CNTNAP4: variants seen among roughly 807,000 people sequenced by gnomAD.
CNTNAP4 encodes contactin associated protein family member 4, also known as contactin-associated protein-like 4.
Under a neutral mutation model 148.4 loss-of-function variants are expected in CNTNAP4, and 98 were observed. That is an observed-to-expected ratio of 0.66 (90% CI 0.56 to 0.78). The LOEUF (loss-of-function observed/expected upper bound fraction) is 0.78. CNTNAP4 is among the 30% of genes least tolerant of loss of function. CNTNAP4 has a pLI of 0.00. For missense variants in CNTNAP4, 1,935 were observed against 1,565.6 expected (o/e 1.24, Z -3.98); for synonymous variants, 730 against 565.1 (o/e 1.29, Z -4.14).
intron 1 of CNTNAP4, among the ~76,000 whole-genome samples, chr16:76,301,129 T>G (rs1959917997): frequency 6.6e-6 from 1 of 151,514 alleles, no homozygotes; most frequent in Non-Finnish European, 1.5e-5. Context: ...TGGGTAAGAG[T>G]AGTGTATAAA....
intron 2 of CNTNAP4, among the ~76,000 whole-genome samples, chr16:76,333,610 C>T (rs985521167): frequency 2.0e-5 from 3 of 151,976 alleles, no homozygotes; most frequent in Admixed American, 2.0e-4. Context: ...GGGGCAGTTT[C>T]TATTAATTTC....
intron 3 of CNTNAP4, among the ~76,000 whole-genome samples, chr16:76,360,048 G>C (rs1431948866): frequency 6.6e-6 from 1 of 152,182 alleles, no homozygotes; most frequent in Non-Finnish European, 1.5e-5. Context: ...AAATATGATT[G>C]TTAAACCCAA....
chr16:76,491,575 T>G (rs2082223300), intron 13 of CNTNAP4, among the ~76,000 whole-genome samples: 2 of 152,188 alleles, frequency 1.3e-5, no homozygotes, highest in South Asian at 4.1e-4. Context: ...TGTAATGGGT[T>G]GTTCATTGTT....
chr16:76,427,602 A>G lies in CNTNAP4; in HGVS notation c.538+3A>G. The stretch of plus-strand genomic sequence containing the variant: ...CGAAGTGTTCGGATGTGCATACAGT[A>G]AGTGTTTGTTTATCCAATACACTGA... On this transcript the variant is annotated splice_donor_region_variant and intron_variant, in intron 4 of 23. Coordinates refer to ENST00000611870, the MANE Select transcript of CNTNAP4 (RefSeq NM_033401.5). 1 of 1,603,256 alleles carries G rather than the reference A, an allele frequency of 6.2e-7. No homozygotes were observed. The highest frequency in any genetic ancestry group is 8.5e-7 in the Non-Finnish European group (1 of 1,175,690).
At chr16:76,315,062 A>G (rs1961561739) in intron 1 of CNTNAP4, among the ~76,000 whole-genome samples, 1 of 151,150 alleles carries the variant, frequency 6.6e-6, no homozygotes, top group East Asian at 1.9e-4. Flanking sequence ...CTAAGATTCA[A>G]CTATTTTGTT....
At position 76,509,125 on chromosome 16, in the gene CNTNAP4, C is replaced by T. The variant is rs1388370714; in HGVS notation, c.2365+10431C>T. 2.1e-5 allele frequency among the ~76,000 whole-genome samples: 2 copies of T among 97,512 alleles called. 1 individual carries two copies. The highest frequency in any genetic ancestry group is 5.2e-5 in the African/African-American group (2 of 38,834). 64.0% of individuals were successfully genotyped at this position (97,512 alleles called of 152,430 possible). ...AAAAGACACCAAGAATCACATAACTCAGAAATAATGATTAATATCAATTGA... is the reference window on the plus strand; with the variant it reads ...AAAAGACACCAAGAATCACATAACTTAGAAATAATGATTAATATCAATTGA... On this transcript the variant is annotated intron_variant, in intron 15 of 23. Transcript: ENST00000611870.
intron 2 of CNTNAP4, among the ~76,000 whole-genome samples, chr16:76,329,269 A>G (rs1963295146): frequency 6.6e-6 from 1 of 152,196 alleles, no homozygotes; most frequent in South Asian, 2.1e-4. Flanking sequence ...CCAAAATGTC[A>G]GGAGGCTTGT....
intron 23 of CNTNAP4, among the ~76,000 whole-genome samples, chr16:76,556,251 A>G (rs1269156483): frequency 6.6e-6 from 1 of 152,218 alleles, no homozygotes; most frequent in Non-Finnish European, 1.5e-5. Flanking sequence ...AGATTTAGCC[A>G]GAGAGAAAGC....
intron 1 of CNTNAP4, among the ~76,000 whole-genome samples, chr16:76,297,723 A>G (rs1959463097): frequency 6.6e-6 from 1 of 152,206 alleles, no homozygotes. Context: ...GCTACTGGTT[A>G]TATGCAAATC....
chr16:76,329,790 A>C (rs949927448), intron 2 of CNTNAP4, among the ~76,000 whole-genome samples: 1 of 152,248 alleles, frequency 6.6e-6, no homozygotes, highest in Non-Finnish European at 1.5e-5. Context: ...AATAGATTAT[A>C]TAATTGGCTG....
In CNTNAP4 at chr16:76,560,323, C is replaced by G. The variant is rs899295651; in HGVS notation, c.*1640C>G. 6.6e-6 allele frequency among the ~76,000 whole-genome samples: 1 copy of G among 152,188 alleles called. No homozygotes were observed. The highest frequency in any genetic ancestry group is 1.5e-5 in the Non-Finnish European group (1 of 68,036). ...AACCTGCCTCTCTTTTCTCATAGCA[C>G]TATATCCATATTGATGTTTCTGCAA... On this transcript the variant is annotated 3_prime_UTR_variant, in exon 24 of 24. Coordinates refer to ENST00000611870, the MANE Select transcript of CNTNAP4 (RefSeq NM_033401.5).
chr16:76,448,033 A>G lies in CNTNAP4; in HGVS notation c.560A>G (p.Asp187Gly), dbSNP rs779080951. The G allele has an allele frequency of 4.3e-6, 7 of 1,613,262 alleles. No homozygotes were observed. The highest frequency in any genetic ancestry group is 2.7e-5 in the African/African-American group (2 of 74,910). The change falls in exon 5 of 24, where the codon GAT becomes GGT. Residue 187 changes from aspartate to glycine, a missense_variant. Physicochemically the swap from Asp to Gly is moderately conservative, Grantham distance 94. Coordinates refer to ENST00000611870, the MANE Select transcript of CNTNAP4 (RefSeq NM_033401.5). ...CTAGGATCAGAAGTGGTTGATCTTGATGGAAAAAGTTCCCTTCTCTACAGA... is the reference window on the plus strand; with the variant it reads ...CTAGGATCAGAAGTGGTTGATCTTGGTGGAAAAAGTTCCCTTCTCTACAGA... Reference protein sequence around the residue: ...CAYRSEVVDLDGKSSLLYRFD... With the variant: ...CAYRSEVVDLGGKSSLLYRFD...
chr16:76,523,293 G>T (rs1190053038), intron 17 of CNTNAP4, among the ~76,000 whole-genome samples: 1 of 124,948 alleles, frequency 8.0e-6, no homozygotes, highest in African/African-American at 3.1e-5. Flanking sequence ...AAAAAGAAAA[G>T]AAAACAAAAC....
chr16:76,317,175 G>A (rs1888610329), intron 2 of CNTNAP4, among the ~76,000 whole-genome samples: 1 of 145,192 alleles, frequency 6.9e-6, no homozygotes, highest in Non-Finnish European at 1.5e-5. Context: ...GAGTATCACT[G>A]AACTCAGAAG....
intron 17 of CNTNAP4, among the ~76,000 whole-genome samples, chr16:76,526,964 G>A (rs183867481): frequency 1.4e-4 from 21 of 152,158 alleles, no homozygotes; most frequent in African/African-American, 4.1e-4. Context: ...GTGAGGCACC[G>A]CACCAGCCTA....
intron 2 of CNTNAP4, among the ~76,000 whole-genome samples, chr16:76,343,736 C>G (rs1964677641): frequency 6.9e-6 from 1 of 145,170 alleles, no homozygotes; most frequent in African/African-American, 2.4e-5. Context: ...TATGTTGAAA[C>G]TTCATTTTTT....
In CNTNAP4 at chr16:76,540,705, T is replaced by A; in HGVS notation, c.3357T>A (p.Ile1119=). ...TATCTTGTGTAATAATTTTGTAGAT[T>A]GACGATAATAGAAGGAGACAAGTTC... ...NREEGVVFIE[I]DDNRRRQVHL... The change falls in exon 21 of 24, where the codon ATT becomes ATA. Residue 1119 remains isoleucine (I), a splice_region_variant and synonymous_variant. Transcript: ENST00000611870. The A allele has an allele frequency of 6.4e-7, 1 of 1,559,988 alleles. No homozygotes were observed. The highest frequency in any genetic ancestry group is 8.7e-7 in the Non-Finnish European group (1 of 1,149,186).
chr16:76,466,304 A>T (rs142031040), intron 9 of CNTNAP4, among the ~76,000 whole-genome samples: 182 of 152,320 alleles, frequency 1.2e-3, no homozygotes, highest in African/African-American at 4.2e-3. Context: ...GTTAATGGGT[A>T]CAAAATACAG....
chr16:76,495,238 A>G (rs889220406), intron 14 of CNTNAP4, 172 bp downstream of exon 14: 1 of 568,800 alleles, frequency 1.8e-6, no homozygotes, highest in Non-Finnish European at 2.9e-6. Flanking sequence ...TATTAAGTCA[A>G]TGCCTTTTTG....
Sources: allele counts gnomAD v4.1 joint callset (sites outside exome capture counted in the v4.1 genomes callset), GRCh38; gene constraint gnomAD v4.1.1; transcripts MANE v1.5; gene names NCBI Gene and HGNC (gene_info 2026-07-23, HGNC 2026-07-21).